CACNA1A: variants seen among roughly 807,000 people sequenced by gnomAD.
The protein encoded by CACNA1A is calcium voltage-gated channel subunit alpha1 A, also known as voltage-dependent P/Q-type calcium channel subunit alpha-1A.
CACNA1A carries 57 observed loss-of-function variants against 262.4 expected under a neutral mutation model. The ratio of observed to expected loss-of-function variants is 0.22; its 90% CI spans 0.18 to 0.27. The LOEUF is 0.27. Ranked by LOEUF, CACNA1A falls within the 10% of genes least tolerant of loss-of-function variation. The pLI, the probability that CACNA1A is intolerant of heterozygous loss-of-function variation, is 1.00. For synonymous variants in CACNA1A, 1,431 were observed against 1,419.3 expected, an observed-to-expected ratio of 1.01 and a Z score of -0.18; for missense variants, 2,526 against 3,562.8, an observed-to-expected ratio of 0.71 and a Z score of 7.41.
At chr19:13,406,629 T>G (rs1202728607) in intron 3 of CACNA1A, among the ~76,000 whole-genome samples, 1 of 149,876 alleles carries the variant, frequency 6.7e-6, no homozygotes, top group Admixed American at 6.7e-5. Context: ...CTACCCAGCT[T>G]GGTGAGAATT....
intron 26 of CACNA1A, 46 bp from the exon 27 acceptor site, chr19:13,259,747 G>A: frequency 6.3e-7 from 1 of 1,598,410 alleles, no homozygotes; most frequent in African/African-American, 1.3e-5. Context: ...AAGAGGGGCT[G>A]TCTTGCACTT....
At chr19:13,263,051 TCC>T (rs972991441) in intron 24 of CACNA1A, 4 of 552,702 alleles carry the variant, frequency 7.2e-6, no homozygotes, top group Non-Finnish European at 1.3e-5. Context: ...GTGGTTCTGG[TCC>T]CAGGGTTGGT....
At position 13,207,166 on chromosome 19, in the gene CACNA1A, G is replaced by T. The variant is rs7254351; in HGVS notation, c.*147C>A. The T allele has an allele frequency of 0.44, 398,131 of 896,776 alleles. 90,744 individuals carry two copies. Among genetic ancestry groups the T allele is most frequent in the South Asian group, 0.59 (31,274 of 53,080 alleles). 55.6% of individuals were successfully genotyped at this position (896,776 alleles called of 1,614,324 possible). ...CTCTGCGGGACACCCTTGTGGCCCA[G>T]CCCTGGCCTCTCCAGAGTCTGGGGT... On this transcript the variant is annotated 3_prime_UTR_variant, in exon 47 of 47. Transcript: ENST00000360228. This position sits in a 1 kb window ranked among gnomAD's most constrained non-coding sequence, Gnocchi z 5.7.
intron 24 of CACNA1A, chr19:13,275,520 C>T (rs757572331): frequency 1.5e-4 from 51 of 341,140 alleles, no homozygotes; most frequent in Non-Finnish European, 2.4e-4. Flanking sequence ...GTTTGGGCGG[C>T]GCTTGTGGAG....
chr19:13,471,484 C>T (rs766673983), intron 1 of CACNA1A, among the ~76,000 whole-genome samples: 1 of 152,164 alleles, frequency 6.6e-6, no homozygotes, highest in Non-Finnish European at 1.5e-5. Context: ...CAGACCCCAC[C>T]AATTCTACTT....
At chr19:13,210,927 G>A in intron 43 of CACNA1A, 1 of 545,696 alleles carries the variant, frequency 1.8e-6, no homozygotes, top group South Asian at 2.3e-5. Context: ...AATGGCAGAG[G>A]CATGGGACCG....
chr19:13,417,283 G>A (rs1187692556), intron 3 of CACNA1A, among the ~76,000 whole-genome samples: 2 of 152,212 alleles, frequency 1.3e-5, no homozygotes, highest in Non-Finnish European at 2.9e-5. Flanking sequence ...TGCTGTGCAC[G>A]CTCGGTATGT....
In CACNA1A at chr19:13,214,244, G is replaced by T. The variant is rs772489659; in HGVS notation, c.5929C>A (p.Arg1977Ser). ...GGCGAACAGCGCACCTGCTCCTCGC[G>T]CATGGCCTGCAGCTTCTTGGCCTTG... is the stretch of plus-strand genomic sequence containing the variant. ...QSKAKKLQAM[R>S]EEQDRTPLMF... The change falls in exon 40 of 47, where the codon CGC (arginine) becomes AGC (serine). Residue 1977 changes from arginine to serine, a missense_variant. Transcript: ENST00000360228. The surrounding 1 kb of genome is among the most constrained non-coding windows in gnomAD (Gnocchi z 4.1). 2 of 1,608,996 alleles carry T rather than the reference G, an allele frequency of 1.2e-6. No individual in the cohort carries two copies. Among genetic ancestry groups the T allele is most frequent in the Admixed American group, 1.7e-5 (1 of 59,906 alleles).
intron 38 of CACNA1A, among the ~76,000 whole-genome samples, chr19:13,221,820 C>T (rs2055243241): frequency 1.3e-5 from 2 of 152,230 alleles, no homozygotes; most frequent in African/African-American, 2.4e-5. Context: ...TCTCTGCCCG[C>T]CTCCCTGGCC....
intron 31 of CACNA1A, among the ~76,000 whole-genome samples, chr19:13,238,595 A>ATT (rs113456944): frequency 6.8e-6 from 1 of 147,438 alleles, no homozygotes; most frequent in African/African-American, 2.5e-5. Flanking sequence ...ATCACCCAGT[A>ATT]TTTTTTTTTT....
At chr19:13,210,911 C>T in intron 43 of CACNA1A, 2 of 565,250 alleles carry the variant, frequency 3.5e-6, no homozygotes, top group South Asian at 4.5e-5. Flanking sequence ...GAGATGCAGA[C>T]AGACAAATGG....
intron 10 of CACNA1A, among the ~76,000 whole-genome samples, chr19:13,318,433 A>C (rs2058174182): frequency 6.6e-6 from 1 of 152,158 alleles, no homozygotes; most frequent in Admixed American, 6.5e-5. Context: ...GACCACAAGG[A>C]GGACTTTGGC....
At chr19:13,378,784 C>T (rs1176770331) in intron 3 of CACNA1A, among the ~76,000 whole-genome samples, 2 of 151,632 alleles carry the variant, frequency 1.3e-5, no homozygotes, top group Non-Finnish European at 1.5e-5. Flanking sequence ...TCTCGTGCCT[C>T]AGCCTCCCGA....
intron 3 of CACNA1A, among the ~76,000 whole-genome samples, chr19:13,443,778 G>A (rs962586701): frequency 4.6e-5 from 7 of 152,080 alleles, no homozygotes; most frequent in Admixed American, 1.3e-4. Flanking sequence ...CTTAACACAG[G>A]CCCAGTATTA....
chr19:13,477,467 A>G (rs1471868030), intron 1 of CACNA1A, among the ~76,000 whole-genome samples: 1 of 152,252 alleles, frequency 6.6e-6, no homozygotes, highest in Non-Finnish European at 1.5e-5. Flanking sequence ...TGCTAAACAA[A>G]TGCACAGCCC....
chr19:13,407,009 C>T (rs2060024521), intron 3 of CACNA1A, among the ~76,000 whole-genome samples: 1 of 152,042 alleles, frequency 6.6e-6, no homozygotes, highest in African/African-American at 2.4e-5. Context: ...AAGCACAGCT[C>T]TGTTTACCTG....
chr19:13,209,180 C>G (rs1041261354), intron 45 of CACNA1A, 132 bp downstream of exon 45: 18 of 1,317,002 alleles, frequency 1.4e-5, no homozygotes, highest in Admixed American at 2.5e-5. Flanking sequence ...GCAGCTGCTG[C>G]CTGGCCCCCT....
Position 13,286,815 on chromosome 19 carries a change from G to A in CACNA1A, c.3241C>T (p.Pro1081Ser), listed in dbSNP as rs1467243087. ...NKLATAESAAPHGSLGHAGLP... is the reference protein window; with the variant it reads ...NKLATAESAASHGSLGHAGLP... ...CCGGCGTGGCCAAGGCTGCCGTGGG[G>A]AGCGGCCGACTCCGCGGTGGCCAGC... Residue 1081 changes from proline to serine, a missense_variant, in exon 20 of 47, where the codon CCC (proline) becomes TCC (serine). Transcript: ENST00000360228. 4.3e-6 allele frequency: 7 copies of A among 1,613,572 alleles called. No homozygotes were observed. Among genetic ancestry groups the A allele is most frequent in the Non-Finnish European group, 5.9e-6 (7 of 1,179,784 alleles).
chr19:13,334,018 T>G (rs959564766), intron 8 of CACNA1A: 5 of 193,718 alleles, frequency 2.6e-5, no homozygotes, highest in Non-Finnish European at 5.3e-5. Flanking sequence ...CAGCTGAGAT[T>G]ATTTTACTAA....
Sources: gnomAD v4.1 joint callset for allele counts (sites outside exome capture counted in the v4.1 genomes callset) on GRCh38, gnomAD v4.1.1 for gene constraint, Gnocchi (gnomAD v3.1) non-coding constraint, MANE v1.5 for transcripts, NCBI Gene and HGNC (gene_info 2026-07-23, HGNC 2026-07-21) for gene names.